Variants in PCSK5 observed in about 807,000 individuals in gnomAD.
The protein encoded by PCSK5 is proprotein convertase subtilisin/kexin type 5, also known as prohormone convertase 5.
In PCSK5, 129 loss-of-function variants were observed where a neutral mutation model predicts 233.2. The ratio of observed to expected loss-of-function variants is 0.55; its 90% CI spans 0.48 to 0.64. The LOEUF (loss-of-function observed/expected upper bound fraction) is 0.64. PCSK5 is among the 30% of genes least tolerant of loss of function. The probability of loss-of-function intolerance (pLI) is 0.00; values close to 1 mark genes in which losing one functional copy is unlikely to be tolerated. For synonymous variants in PCSK5, 825 were observed against 879.2 expected, an observed-to-expected ratio of 0.94 and a Z score of 1.09; for missense variants, 2,076 against 2,430.1, an observed-to-expected ratio of 0.85 and a Z score of 3.06.
intron 22 of PCSK5, among the ~76,000 whole-genome samples, chr9:76,234,261 T>G (rs1343886753): frequency 6.6e-6 from 1 of 152,132 alleles, no homozygotes. Context: ...ACATTGCAAA[T>G]AAAAACTTGA....
At chr9:76,186,435 T>C (rs1339252809) in intron 17 of PCSK5, among the ~76,000 whole-genome samples, 1 of 152,246 alleles carries the variant, frequency 6.6e-6, no homozygotes, top group Non-Finnish European at 1.5e-5. Flanking sequence ...TTAGCCATAC[T>C]ATAGCCACCT....
At chr9:75,950,096 A>G (rs971884595) in intron 2 of PCSK5, among the ~76,000 whole-genome samples, 2 of 120,424 alleles carry the variant, frequency 1.7e-5, no homozygotes, top group African/African-American at 3.2e-5. Flanking sequence ...GTCCTTCTCT[A>G]TACCGGACCC....
chr9:76,234,862 C>T (rs560286261), intron 22 of PCSK5, among the ~76,000 whole-genome samples: 12 of 152,148 alleles, frequency 7.9e-5, no homozygotes, highest in African/African-American at 2.9e-4. Flanking sequence ...TCTCTTGCTC[C>T]TAAGACTTCA....
chr9:76,102,901 A>G (rs185163155), intron 8 of PCSK5, among the ~76,000 whole-genome samples: 191 of 152,340 alleles, frequency 1.3e-3, no homozygotes, highest in Middle Eastern at 3.4e-3. Context: ...GCCTCTTGGT[A>G]CATGGAACTG....
At chr9:76,285,660 G>T (rs764857482) in intron 24 of PCSK5, among the ~76,000 whole-genome samples, 1 of 152,168 alleles carries the variant, frequency 6.6e-6, no homozygotes, top group Non-Finnish European at 1.5e-5. Flanking sequence ...CCCACCACCA[G>T]TTTTGCGGAG....
chr9:75,970,630 AT>A (rs1211814159), intron 2 of PCSK5, among the ~76,000 whole-genome samples: 1 of 151,104 alleles, frequency 6.6e-6, no homozygotes, highest in African/African-American at 2.4e-5. Context: ...TTATTTATTT[AT>A]TTTTTTTGGA....
At chr9:76,274,302 G>A (rs1054913947) in intron 24 of PCSK5, among the ~76,000 whole-genome samples, 16 of 151,832 alleles carry the variant, frequency 1.1e-4, no homozygotes, top group Non-Finnish European at 8.8e-5. Context: ...CAAACCACAC[G>A]GTTATTTTAT....
intron 10 of PCSK5, among the ~76,000 whole-genome samples, chr9:76,156,699 T>A (rs182847415): frequency 1.3e-5 from 2 of 152,228 alleles, no homozygotes; most frequent in African/African-American, 4.8e-5. Flanking sequence ...GCCAAGTTTT[T>A]CTGTTCTTCA....
chr9:76,272,141 C>T (rs146658829), intron 24 of PCSK5, among the ~76,000 whole-genome samples: 153 of 152,234 alleles, frequency 1.0e-3, no homozygotes, highest in Non-Finnish European at 1.8e-3. Flanking sequence ...GTAGAGTACA[C>T]ATTCATAGGT....
intron 7 of PCSK5, among the ~76,000 whole-genome samples, chr9:76,087,583 C>T (rs1178062986): frequency 6.6e-6 from 1 of 152,114 alleles, no homozygotes; most frequent in Admixed American, 6.5e-5. Flanking sequence ...TACAGTTGAT[C>T]CTATAGTCAT....
intron 20 of PCSK5, chr9:76,194,593 G>GT (rs1383634656): frequency 3.4e-5 from 11 of 321,530 alleles, no homozygotes; most frequent in Non-Finnish European, 5.5e-5. Context: ...GAGATGATCT[G>GT]TTTTTTGGGG....
chr9:76,087,774 C>A (rs901913684), intron 7 of PCSK5, among the ~76,000 whole-genome samples: 1 of 152,110 alleles, frequency 6.6e-6, no homozygotes, highest in Non-Finnish European at 1.5e-5. Flanking sequence ...GGTTTAGTGA[C>A]CTATTGTGTG....
chr9:76,253,562 A>C (rs73462412), intron 24 of PCSK5, among the ~76,000 whole-genome samples: 2 of 152,122 alleles, frequency 1.3e-5, no homozygotes, highest in African/African-American at 2.4e-5. Context: ...GGCTTTCTTC[A>C]TTGATTCATT....
intron 2 of PCSK5, among the ~76,000 whole-genome samples, chr9:75,932,844 C>G (rs986497255): frequency 6.6e-6 from 1 of 152,152 alleles, no homozygotes; most frequent in African/African-American, 2.4e-5. Flanking sequence ...GTTGTATGAG[C>G]TCCACAAAAG....
chr9:76,030,845 C>T (rs1178804593), intron 5 of PCSK5, among the ~76,000 whole-genome samples: 3 of 151,972 alleles, frequency 2.0e-5, no homozygotes. Flanking sequence ...TCATGACAGT[C>T]GTGCTCATCT....
intron 4 of PCSK5, among the ~76,000 whole-genome samples, chr9:76,025,388 T>A (rs1032118668): frequency 3.5e-4 from 49 of 139,902 alleles, no homozygotes; most frequent in African/African-American, 1.4e-3. Context: ...CTAATAAAAG[T>A]AAAAAAAATG....
chr9:76,169,674 C>A, intron 12 of PCSK5, 30 bp from the exon 13 acceptor site: 2 of 1,605,306 alleles, frequency 1.2e-6, no homozygotes, highest in Non-Finnish European at 1.7e-6. Flanking sequence ...TTTGAAATAT[C>A]GCACATAACA....
At chr9:76,218,322 C>T (rs1011778904) in intron 20 of PCSK5, among the ~76,000 whole-genome samples, 2 of 152,108 alleles carry the variant, frequency 1.3e-5, no homozygotes, top group Non-Finnish European at 2.9e-5. Context: ...CATCTGAAGC[C>T]CAATTGCTTT....
chr9:76,175,243 AATGG>A (rs1286492074), intron 14 of PCSK5, 114 bp downstream of exon 14: 1 of 621,048 alleles, frequency 1.6e-6, no homozygotes. Flanking sequence ...AATGAAATGG[AATGG>A]AATGGAATGG....
Sources: gnomAD v4.1 joint callset for allele counts (sites outside exome capture counted in the v4.1 genomes callset) on GRCh38, gnomAD v4.1.1 for gene constraint, MANE v1.5 for transcripts, NCBI Gene and HGNC (gene_info 2026-07-23, HGNC 2026-07-21) for gene names.